DACH1: variants seen among roughly 807,000 people sequenced by gnomAD.
The protein encoded by DACH1 is dachshund homolog 1.
A neutral mutation model predicts 54.2 loss-of-function variants in DACH1; 12 were observed. The ratio of observed to expected loss-of-function variants is 0.22; its 90% confidence interval spans 0.14 to 0.36. The LOEUF is 0.36. Ranked by LOEUF, DACH1 falls within the 10% of genes least tolerant of loss-of-function variation. The probability of loss-of-function intolerance (pLI) is 1.00; values close to 1 mark genes in which losing one functional copy is unlikely to be tolerated. For missense variants in DACH1, 805 were observed against 929.8 expected (o/e 0.87, Z 1.75); for synonymous variants, 386 against 366.2 (o/e 1.05, Z -0.62).
intron 2 of DACH1, among the ~76,000 whole-genome samples, chr13:71,669,627 G>T (rs1246091562): frequency 1.3e-5 from 2 of 152,116 alleles, no homozygotes; most frequent in Admixed American, 6.5e-5. Context: ...GTGCCAAAAA[G>T]GTTGGGGACT....
intron 2 of DACH1, among the ~76,000 whole-genome samples, chr13:71,649,440 C>T (rs1392009616): frequency 6.6e-6 from 1 of 152,044 alleles, no homozygotes; most frequent in African/African-American, 2.4e-5. Context: ...CACTTAACTG[C>T]CCTGTAAATG....
At chr13:71,563,259 T>C (rs1884702910) in intron 4 of DACH1, among the ~76,000 whole-genome samples, 1 of 152,050 alleles carries the variant, frequency 6.6e-6, no homozygotes, top group East Asian at 1.9e-4. Context: ...CAATAAATTT[T>C]AACATTTTTC....
chr13:71,756,556 T>C (rs1885168048), intron 1 of DACH1, among the ~76,000 whole-genome samples: 1 of 152,012 alleles, frequency 6.6e-6, no homozygotes. Flanking sequence ...TAAAAGATAC[T>C]GTGTTGAGTG....
At chr13:71,449,500 G>GAAC (rs2138112164) in intron 10 of DACH1, among the ~76,000 whole-genome samples, 1 of 151,880 alleles carries the variant, frequency 6.6e-6, no homozygotes, top group East Asian at 2.0e-4. Context: ...ACAGGGAAGG[G>GAAC]AACATCACAC....
chr13:71,655,292 A>G (rs1225402689), intron 2 of DACH1, among the ~76,000 whole-genome samples: 1 of 152,030 alleles, frequency 6.6e-6, no homozygotes, highest in African/African-American at 2.4e-5. Flanking sequence ...TCACTTGAAT[A>G]CAGAAATCAA....
At chr13:71,840,218 G>T (rs1235747860) in intron 1 of DACH1, among the ~76,000 whole-genome samples, 1 of 152,136 alleles carries the variant, frequency 6.6e-6, no homozygotes. Flanking sequence ...AAAGTGCTGG[G>T]ATTACAGGCA....
chr13:71,675,295 T>A, intron 2 of DACH1: 1 of 1,603,994 alleles, frequency 6.2e-7, no homozygotes, highest in Non-Finnish European at 8.5e-7. Context: ...AATTGCTCAG[T>A]ACTTTAAAAC....
At chr13:71,828,154 A>T in intron 1 of DACH1, among the ~76,000 whole-genome samples, 1 of 152,006 alleles carries the variant, frequency 6.6e-6, no homozygotes, top group Non-Finnish European at 1.5e-5. Flanking sequence ...ATTTATATAT[A>T]AATTAGCTTG....
chr13:71,510,603 T>C (rs1377815642), intron 6 of DACH1, among the ~76,000 whole-genome samples: 1 of 152,034 alleles, frequency 6.6e-6, no homozygotes, highest in Non-Finnish European at 1.5e-5. Flanking sequence ...ATTGAACATA[T>C]TTTAGGTTAA....
intron 1 of DACH1, among the ~76,000 whole-genome samples, chr13:71,744,725 T>C (rs1459579863): frequency 1.3e-5 from 2 of 152,214 alleles, no homozygotes; most frequent in Admixed American, 6.5e-5. Flanking sequence ...ATGAAAACTA[T>C]AAATCAAATT....
At chr13:71,815,227 A>G (rs1286593212) in intron 1 of DACH1, among the ~76,000 whole-genome samples, 1 of 151,944 alleles carries the variant, frequency 6.6e-6, no homozygotes, top group African/African-American at 2.4e-5. Flanking sequence ...CTAATGTCCA[A>G]ATATTCCTTG....
At chr13:71,601,569 G>A (rs1369289334) in intron 3 of DACH1, among the ~76,000 whole-genome samples, 1 of 151,864 alleles carries the variant, frequency 6.6e-6, no homozygotes, top group African/African-American at 2.4e-5. Flanking sequence ...TGTGCTATTG[G>A]AGGAACACCT....
At chr13:71,518,408 G>T (rs536929366) in intron 6 of DACH1, among the ~76,000 whole-genome samples, 55 of 151,806 alleles carry the variant, frequency 3.6e-4, no homozygotes, top group African/African-American at 1.2e-3. Flanking sequence ...AAAATCTGTT[G>T]TTTAACCCAT....
chr13:71,702,356 G>C (rs1370899048), intron 1 of DACH1, among the ~76,000 whole-genome samples: 1 of 152,076 alleles, frequency 6.6e-6, no homozygotes, highest in African/African-American at 2.4e-5. Flanking sequence ...TTAGCTTGAA[G>C]TACTTTGGAA....
chr13:71,711,483 C>T (rs1484101553), intron 1 of DACH1, among the ~76,000 whole-genome samples: 2 of 152,088 alleles, frequency 1.3e-5, no homozygotes, highest in African/African-American at 2.4e-5. Flanking sequence ...TATCTGCTAC[C>T]TGATTCGGTT....
At chr13:71,456,995 G>A (rs2138130043) in intron 10 of DACH1, among the ~76,000 whole-genome samples, 1 of 152,120 alleles carries the variant, frequency 6.6e-6, no homozygotes, top group South Asian at 2.1e-4. Context: ...TGTGAGAATA[G>A]TATTATTTTG....
At position 71,452,216 on chromosome 13, in the gene DACH1, G is replaced by A. The variant is rs184977582; in HGVS notation, c.2084-11524C>T. On this transcript the variant is annotated intron_variant, in intron 10 of 10. Transcript: ENST00000613252. ...ACTATCTCATCTCACTGCAACCTCC[G>A]CCTCCTGGGCTCCAGTGATCTTCCT... Among the ~76,000 whole-genome samples, 237 of 152,042 alleles carry A rather than the reference G, an allele frequency of 1.6e-3. 1 individual carries two copies. Among genetic ancestry groups the A allele is most frequent in the African/African-American group, 5.5e-3 (230 of 41,474 alleles).
intron 6 of DACH1, among the ~76,000 whole-genome samples, chr13:71,527,037 A>G (rs1679421372): frequency 6.6e-6 from 1 of 151,896 alleles, no homozygotes; most frequent in Admixed American, 6.6e-5. Context: ...TAATACTTCT[A>G]AACAGTAAAT....
chr13:71,550,309 C>T (rs1178406212), intron 6 of DACH1, among the ~76,000 whole-genome samples: 1 of 151,998 alleles, frequency 6.6e-6, no homozygotes, highest in African/African-American at 2.4e-5. Context: ...TTTATTGTAC[C>T]CACTAATGCC....
Sources: allele counts gnomAD v4.1 joint callset (sites outside exome capture counted in the v4.1 genomes callset), GRCh38; gene constraint gnomAD v4.1.1; transcripts MANE v1.5; gene names NCBI Gene and HGNC (gene_info 2026-07-23, HGNC 2026-07-21).